Variants in OR51B5 observed in about 807,000 individuals in gnomAD.
OR51B5 encodes the protein olfactory receptor family 51 subfamily B member 5.
For synonymous variants in OR51B5, 186 were observed against 144.8 expected, an observed-to-expected ratio of 1.28 and a Z score of -2.04; for missense variants, 456 against 374.6, an observed-to-expected ratio of 1.22 and a Z score of -1.79.
chr11:5,489,202 C>A (rs745688630), intron 1 of OR51B5: 9 of 1,613,826 alleles, frequency 5.6e-6, no homozygotes, highest in Non-Finnish European at 6.8e-6. Context: ...CATCTTCTTG[C>A]TGAGGCGACT....
At chr11:5,360,099 C>CT (rs1487118002) in intron 1 of OR51B5, among the ~76,000 whole-genome samples, 3 of 151,972 alleles carry the variant, frequency 2.0e-5, no homozygotes, top group African/African-American at 7.3e-5. Flanking sequence ...GACTTCATGT[C>CT]TAAAACACCA....
At chr11:5,441,019 T>C in intron 1 of OR51B5, 1 of 1,613,988 alleles carries the variant, frequency 6.2e-7, no homozygotes, top group Non-Finnish European at 8.5e-7. Context: ...GGCAGTCGTT[T>C]CACCACAAAA....
At chr11:5,430,121 C>T (rs1850514132) in intron 1 of OR51B5, among the ~76,000 whole-genome samples, 2 of 152,076 alleles carry the variant, frequency 1.3e-5, no homozygotes, top group Non-Finnish European at 2.9e-5. Flanking sequence ...AAGAAGGTAA[C>T]ATTAATAATA....
In OR51B5 at chr11:5,377,829, A is replaced by G. The variant is rs1030339237; in HGVS notation, n.85-30919T>C. Among the ~76,000 whole-genome samples the G allele has an allele frequency of 3.3e-5, 5 of 152,136 alleles. 1 individual carries two copies. Among genetic ancestry groups the G allele is most frequent in the African/African-American group, 1.2e-4 (5 of 41,420 alleles). Reference sequence around the variant, plus strand: ...ATAAAAGAAGATACAAACAAATGGAAGAACATTCCATGCTTATGGGTAGGA... The same window carrying G: ...ATAAAAGAAGATACAAACAAATGGAGGAACATTCCATGCTTATGGGTAGGA... On this transcript the variant is annotated intron_variant and non_coding_transcript_variant, in intron 1 of 4. Coordinates refer to the OR51B5 transcript ENST00000415970.
intron 1 of OR51B5, among the ~76,000 whole-genome samples, chr11:5,363,234 C>A (rs1172807559): frequency 1.6e-5 from 1 of 63,560 alleles, no homozygotes; most frequent in East Asian, 2.8e-4. Flanking sequence ...CGAACCCAAC[C>A]CCTCACACAC....
At chr11:5,400,116 G>C (rs6578637) in intron 1 of OR51B5, among the ~76,000 whole-genome samples, 143,523 of 152,250 alleles carry the variant, frequency 0.94, 68,065 homozygotes, top group Non-Finnish European at 0.98. Flanking sequence ...AAGATGTTCT[G>C]ATGTGTGATC....
intron 1 of OR51B5, among the ~76,000 whole-genome samples, chr11:5,457,048 A>G (rs1206204890): frequency 6.6e-6 from 1 of 152,210 alleles, no homozygotes; most frequent in Non-Finnish European, 1.5e-5. Context: ...AAGCCTGCAG[A>G]ACCATTATTT....
chr11:5,422,323 C>T (rs267602953), intron 1 of OR51B5: 1 of 1,614,118 alleles, frequency 6.2e-7, no homozygotes, highest in Non-Finnish European at 8.5e-7. Context: ...CCATCTCCAT[C>T]ATGGGCAATA....
intron 1 of OR51B5, among the ~76,000 whole-genome samples, chr11:5,497,042 TAAAAAAAA>T (rs199964356): frequency 0.022 from 3,326 of 151,276 alleles, 122 homozygotes; most frequent in African/African-American, 0.074. Context: ...AATCAATGTT[TAAAAAAAA>T]AAAAAAAAAA....
intron 1 of OR51B5, among the ~76,000 whole-genome samples, chr11:5,363,343 GT>G (rs1198879379): frequency 0.49 from 51,841 of 105,564 alleles, 10,692 homozygotes; most frequent in Non-Finnish European, 0.52. Flanking sequence ...TGGAATTACA[GT>G]TTTTTTTGGT....
intron 1 of OR51B5, among the ~76,000 whole-genome samples, chr11:5,460,813 T>C (rs910302122): frequency 7.2e-5 from 11 of 152,240 alleles, no homozygotes; most frequent in Non-Finnish European, 1.6e-4. Context: ...GTTTAGTTGA[T>C]TGCCTTTGTT....
intron 1 of OR51B5, among the ~76,000 whole-genome samples, chr11:5,424,785 T>C (rs1850417819): frequency 7.4e-6 from 1 of 135,104 alleles, no homozygotes; most frequent in African/African-American, 2.7e-5. Context: ...ATGGAGACCA[T>C]CCTGGCTAAC....
At chr11:5,409,938 C>T (rs532053561) in intron 1 of OR51B5, among the ~76,000 whole-genome samples, 1 of 152,140 alleles carries the variant, frequency 6.6e-6, no homozygotes, top group Admixed American at 6.5e-5. Flanking sequence ...AAAAATAGTA[C>T]AAACAGCTGG....
upstream of OR51B5, chr11:5,343,680 C>T (rs1259951784): frequency 3.8e-6 from 2 of 529,646 alleles, no homozygotes; most frequent in South Asian, 6.6e-5. Context: ...AAAATACATT[C>T]TCAGGGTTAC....
At chr11:5,484,038 C>G (rs374081022) in intron 1 of OR51B5, among the ~76,000 whole-genome samples, 20 of 152,288 alleles carry the variant, frequency 1.3e-4, no homozygotes, top group African/African-American at 4.8e-4. Flanking sequence ...CCACCACACT[C>G]TTTCTCCCAC....
intron 1 of OR51B5, chr11:5,441,108 G>C: frequency 3.1e-6 from 5 of 1,614,032 alleles, no homozygotes; most frequent in Non-Finnish European, 4.2e-6. Flanking sequence ...AGTGAGCACA[G>C]TGACATAGCG....
At chr11:5,466,616 A>C (rs1253497719) in intron 1 of OR51B5, among the ~76,000 whole-genome samples, 1 of 152,250 alleles carries the variant, frequency 6.6e-6, no homozygotes, top group Non-Finnish European at 1.5e-5. Flanking sequence ...TTTTGCTCAT[A>C]ACTGTGTATA....
intron 1 of OR51B5, among the ~76,000 whole-genome samples, chr11:5,397,200 T>A (rs1200463256): frequency 1.3e-5 from 2 of 152,110 alleles, no homozygotes; most frequent in Non-Finnish European, 2.9e-5. Context: ...CAAAATTCAC[T>A]AATGGGATCT....
At position 5,441,527 on chromosome 11, in the gene OR51B5, T is replaced by C. The variant is rs1434858409; in HGVS notation, n.84+64042A>G. The C allele has an allele frequency of 3.7e-6, 6 of 1,600,432 alleles. No individual in the cohort carries two copies. The Admixed American group carries it at 5.0e-5, about 13-fold the overall frequency. On this transcript the variant is annotated intron_variant and non_coding_transcript_variant, in intron 1 of 4. Coordinates refer to the OR51B5 transcript ENST00000415970. ...TGAGACCCAGCATGGTGGGAGAATATAGATAGGGAATGGACCCAAGAGGGT... is the reference window on the plus strand; with the variant it reads ...TGAGACCCAGCATGGTGGGAGAATACAGATAGGGAATGGACCCAAGAGGGT...
Sources: allele counts gnomAD v4.1 joint callset (sites outside exome capture counted in the v4.1 genomes callset), GRCh38; gene constraint gnomAD v4.1.1; transcripts MANE v1.5; gene names NCBI Gene and HGNC (gene_info 2026-07-23, HGNC 2026-07-21).